Variants in PCDHA9 observed in about 807,000 individuals in gnomAD.
The protein encoded by PCDHA9 is protocadherin alpha-9.
Under a neutral mutation model 62.0 loss-of-function variants are expected in PCDHA9, and 62 were observed. The ratio of observed to expected loss-of-function variants is 1.00; its 90% CI spans 0.81 to 1.23. The LOEUF (loss-of-function observed/expected upper bound fraction) is 1.23. Among genes scored for constraint, PCDHA9 ranks in the 50% most tolerant of loss-of-function variants. The probability of loss-of-function intolerance (pLI) is 0.00; values close to 1 mark genes in which losing one functional copy is unlikely to be tolerated. For synonymous variants in PCDHA9, 557 were observed against 567.6 expected (o/e 0.98, Z 0.27); for missense variants, 1,205 against 1,249.8 (o/e 0.96, Z 0.54).
At chr5:140,929,249 G>C (rs1212088369) in intron 1 of PCDHA9, 14 of 1,613,366 alleles carry the variant, frequency 8.7e-6, no homozygotes, top group Non-Finnish European at 1.2e-5. Flanking sequence ...CTTGCCACTG[G>C]GGTAGGACTG....
At chr5:140,983,783 G>A (rs2097068046) in intron 3 of PCDHA9, among the ~76,000 whole-genome samples, 1 of 152,130 alleles carries the variant, frequency 6.6e-6, no homozygotes, top group Non-Finnish European at 1.5e-5. Context: ...ATACATAACA[G>A]ATGACAGAAT....
chr5:140,941,564 C>T (rs1352264408), intron 1 of PCDHA9, among the ~76,000 whole-genome samples: 2 of 151,992 alleles, frequency 1.3e-5, no homozygotes, highest in Non-Finnish European at 2.9e-5. Flanking sequence ...ATCCATTCGC[C>T]TCAGCCTCCC....
At chr5:140,935,996 G>C (rs145363850) in intron 1 of PCDHA9, among the ~76,000 whole-genome samples, 1,644 of 150,942 alleles carry the variant, frequency 0.011, 22 homozygotes, top group African/African-American at 0.037. Flanking sequence ...GGGTTCAAGC[G>C]ATTCTCCCAC....
intron 3 of PCDHA9, among the ~76,000 whole-genome samples, chr5:140,985,765 A>G (rs2097169846): frequency 7.8e-6 from 1 of 128,516 alleles, no homozygotes; most frequent in African/African-American, 3.0e-5. Flanking sequence ...TTTTTGAGAC[A>G]GTCTCGCTCT....
chr5:140,929,381 G>GT (rs1554207059), intron 1 of PCDHA9: 2 of 1,510,858 alleles, frequency 1.3e-6, no homozygotes, highest in African/African-American at 1.4e-5. Flanking sequence ...TGCTAGCTGT[G>GT]TTTTGAAATA....
chr5:140,964,918 G>A (rs563180752), intron 1 of PCDHA9, among the ~76,000 whole-genome samples: 59 of 152,308 alleles, frequency 3.9e-4, no homozygotes, highest in Admixed American at 3.4e-3. Context: ...GAATAACACT[G>A]GCTAGGTAGT....
At chr5:140,860,165 GT>G (rs1478173649) in intron 1 of PCDHA9, 2 of 147,750 alleles carry the variant, frequency 1.4e-5, no homozygotes, top group Non-Finnish European at 3.0e-5. Flanking sequence ...ATATATATAT[GT>G]ATATATATAT....
At chr5:140,858,175 G>A in intron 1 of PCDHA9, 2 of 1,597,716 alleles carry the variant, frequency 1.3e-6, no homozygotes, top group Non-Finnish European at 1.7e-6. Flanking sequence ...CCAGCTTGCT[G>A]GTGCTCACGC....
intron 1 of PCDHA9, chr5:140,870,474 C>T (rs1554164302): frequency 6.2e-7 from 1 of 1,614,218 alleles, no homozygotes; most frequent in Non-Finnish European, 8.5e-7. Context: ...TCGCACAGCC[C>T]GAGTACACCG....
chr5:140,922,177 A>G (rs1194396252), intron 1 of PCDHA9, among the ~76,000 whole-genome samples: 1 of 69,034 alleles, frequency 1.4e-5, no homozygotes, highest in Non-Finnish European at 3.3e-5. Context: ...TACAGCAGAC[A>G]AAAAAAAAGT....
chr5:140,893,135 T>C (rs1405005785), intron 1 of PCDHA9, among the ~76,000 whole-genome samples: 1 of 152,252 alleles, frequency 6.6e-6, no homozygotes, highest in Non-Finnish European at 1.5e-5. Flanking sequence ...ATTTTCTTTA[T>C]CCACTCATCT....
At chr5:140,871,055 A>T (rs782721683) in intron 1 of PCDHA9, 9 of 1,613,326 alleles carry the variant, frequency 5.6e-6, no homozygotes, top group African/African-American at 2.7e-5. Context: ...GTACTGGTGA[A>T]GGATCACGGT....
chr5:140,983,005 AAAGG>A (rs1223217874), intron 3 of PCDHA9, among the ~76,000 whole-genome samples: 2 of 152,110 alleles, frequency 1.3e-5, no homozygotes, highest in African/African-American at 2.4e-5. Flanking sequence ...AAAGAAAGAA[AAAGG>A]AAGGAAGGAA....
intron 3 of PCDHA9, among the ~76,000 whole-genome samples, chr5:140,998,290 C>T (rs782194130): frequency 3.9e-5 from 6 of 152,180 alleles, no homozygotes; most frequent in Admixed American, 2.6e-4. Context: ...TAAATCAGAT[C>T]ACACATTTAG....
chr5:140,985,900 C>A (rs896937826), intron 3 of PCDHA9, among the ~76,000 whole-genome samples: 2 of 151,872 alleles, frequency 1.3e-5, no homozygotes, highest in Non-Finnish European at 2.9e-5. Context: ...CCACCACTCC[C>A]GTCTAATTTT....
rs2150438078 is a variant in PCDHA9, at chr5:140,849,459, G to T, written c.964G>T (p.Ala322Ser). 2 of 1,587,980 alleles carry T rather than the reference G, an allele frequency of 1.3e-6. No individual in the cohort carries two copies. ...TAGAGCACACAAGATCCCAGTCGAG[G>T]CTGTCGATAAAGGCTTCCCACCCCT... The part of the protein sequence containing the change: ...ESRAHKIPVE[A>S]VDKGFPPLAG... The change falls in exon 1 of 4, where the codon GCT becomes TCT. Residue 322 changes from alanine to serine, a missense_variant. Coordinates refer to ENST00000532602, the MANE Select transcript of PCDHA9 (RefSeq NM_031857.2).
intron 1 of PCDHA9, chr5:140,853,994 C>A (rs1157670229): frequency 4.2e-6 from 2 of 477,726 alleles, no homozygotes; most frequent in Non-Finnish European, 5.6e-6. Context: ...TGAGACTCAT[C>A]TCTGCCAAAA....
intron 1 of PCDHA9, among the ~76,000 whole-genome samples, chr5:140,923,179 G>T (rs982663028): frequency 3.3e-5 from 5 of 152,130 alleles, no homozygotes; most frequent in Admixed American, 1.3e-4. Flanking sequence ...TTGTTCAGAT[G>T]CATCTACTGC....
At chr5:140,978,455 G>A (rs782473387) in intron 1 of PCDHA9, among the ~76,000 whole-genome samples, 21 of 152,302 alleles carry the variant, frequency 1.4e-4, no homozygotes, top group Non-Finnish European at 2.8e-4. Context: ...GGGCACATCC[G>A]CCCTGGGTCA....
Sources: allele counts gnomAD v4.1 joint callset (sites outside exome capture counted in the v4.1 genomes callset), GRCh38; gene constraint gnomAD v4.1.1; transcripts MANE v1.5; gene names NCBI Gene and HGNC (gene_info 2026-07-23, HGNC 2026-07-21).